NFIB: variants seen among roughly 807,000 people sequenced by gnomAD.
NFIB encodes the protein nuclear factor 1 B-type.
Under a neutral mutation model 61.5 loss-of-function variants are expected in NFIB, and 11 were observed. The ratio of observed to expected loss-of-function variants is 0.18; its 90% CI spans 0.11 to 0.30. The LOEUF (loss-of-function observed/expected upper bound fraction) is 0.30. Ranked by LOEUF, NFIB falls within the 10% of genes least tolerant of loss-of-function variation. The pLI is 1.00. For synonymous variants in NFIB, 260 were observed against 216.5 expected (o/e 1.20, Z -1.76); for missense variants, 471 against 608.9 (o/e 0.77, Z 2.38).
the NFIB span, among the ~76,000 whole-genome samples, chr9:14,405,308 T>C: frequency 6.6e-6 from 1 of 152,206 alleles, no homozygotes; most frequent in East Asian, 1.9e-4. Flanking sequence ...TATTGTATTA[T>C]GTCATTGAGA....
rs551782041 is a variant in NFIB at position 14,344,730 on chromosome 9, G to T, written c.109-37210C>A. On this transcript the variant is annotated intron_variant, in intron 1 of 8. Transcript: ENST00000380934. Reference sequence around the variant, plus strand: ...TCCCCACTGAACCTCCTCCTACAGGGTTGCCAAGACTGCAGGGTAAAGAAA... The same window carrying T: ...TCCCCACTGAACCTCCTCCTACAGGTTTGCCAAGACTGCAGGGTAAAGAAA... Among the ~76,000 whole-genome samples, 7 of 151,954 alleles carry T rather than the reference G, an allele frequency of 4.6e-5. No homozygotes were observed. In the South Asian group the frequency reaches 1.5e-3, roughly 32 times the overall value.
chr9:14,289,141 C>T (rs200186754), intron 2 of NFIB, among the ~76,000 whole-genome samples: 10,222 of 135,674 alleles, frequency 0.075, 563 homozygotes, highest in East Asian at 0.22. Flanking sequence ...TATATATATA[C>T]ATATATATAT....
chr9:14,261,803 C>T (rs1472108580), intron 2 of NFIB, among the ~76,000 whole-genome samples: 1 of 152,230 alleles, frequency 6.6e-6, no homozygotes, highest in East Asian at 1.9e-4. Flanking sequence ...TGACAGGCTT[C>T]AGTGTTTCTT....
intron 2 of NFIB, among the ~76,000 whole-genome samples, chr9:14,220,845 A>ACCCCCCCC (rs1554677585): frequency 1.0e-5 from 1 of 97,186 alleles, no homozygotes; most frequent in African/African-American, 4.7e-5. Flanking sequence ...ATCTCCCTAC[A>ACCCCCCCC]CACACACACA....
intron 7 of NFIB, among the ~76,000 whole-genome samples, chr9:14,122,892 G>A (rs770538301): frequency 2.8e-4 from 43 of 152,096 alleles, no homozygotes; most frequent in Non-Finnish European, 5.1e-4. Flanking sequence ...GTAAAATGTC[G>A]TATTTCAAAC....
chr9:14,115,189 G>T (rs535412751), intron 9 of NFIB, among the ~76,000 whole-genome samples: 1 of 151,900 alleles, frequency 6.6e-6, no homozygotes. Flanking sequence ...AAAAAAAAGA[G>T]CATCTTTCCA....
intron 2 of NFIB, among the ~76,000 whole-genome samples, chr9:14,221,373 G>T (rs939980017): frequency 6.6e-6 from 1 of 152,122 alleles, no homozygotes; most frequent in Non-Finnish European, 1.5e-5. Context: ...AAATAGATTT[G>T]GTTGAATCAC....
the NFIB span, among the ~76,000 whole-genome samples, chr9:14,410,734 A>C: frequency 6.6e-6 from 1 of 152,188 alleles, no homozygotes; most frequent in African/African-American, 2.4e-5. Flanking sequence ...TTTTGACACG[A>C]AACAACTCCC....
rs78547427 is a variant in NFIB at position 14,290,722 on chromosome 9, C to T, written c.562+16267G>A. On this transcript the variant is annotated intron_variant, in intron 2 of 10. Coordinates refer to ENST00000380953, the MANE Select transcript of NFIB (RefSeq NM_001190737.2). The stretch of plus-strand genomic sequence containing the variant: ...CAGTGACCAATCACTAGTGCATATA[C>T]AAAAGAAAGAAAACAAGCCTCAGTA... Among the ~76,000 whole-genome samples the T allele has an allele frequency of 1.4e-3, 212 of 152,058 alleles. 9 individuals carry two copies. The East Asian group carries it at 0.035, about 25-fold the overall frequency.
At chr9:14,322,741 A>AGT (rs1480668308) in intron 1 of NFIB, among the ~76,000 whole-genome samples, 1 of 150,758 alleles carries the variant, frequency 6.6e-6, no homozygotes, top group Non-Finnish European at 1.5e-5. Context: ...AGCGGGCCCG[A>AGT]GTGGGTGTGG....
chr9:14,314,099 G>C lies in NFIB; in HGVS notation c.-588C>G, dbSNP rs1313686354. On this transcript the variant is annotated 5_prime_UTR_variant, in exon 1 of 11. Coordinates refer to ENST00000380953, the MANE Select transcript of NFIB (RefSeq NM_001190737.2). ...GTGATCGCAGGCGAAACTTTGCCGC[G>C]AGCCGACCATGTGTGTGCGCGAGGG... 8 of 1,044,838 alleles carry C rather than the reference G, an allele frequency of 7.7e-6. No homozygotes were observed. The highest frequency in any genetic ancestry group is 1.1e-4 in the Admixed American group (2 of 17,802). The allele number at this position is 1,044,838 out of a possible 1,614,324, so 64.7% of individuals were successfully genotyped here.
At chr9:14,426,443 C>G in the NFIB span, among the ~76,000 whole-genome samples, 1 of 152,180 alleles carries the variant, frequency 6.6e-6, no homozygotes, top group Non-Finnish European at 1.5e-5. Flanking sequence ...AGACTGCAAG[C>G]TCATTGAGAA....
At chr9:14,493,364 A>AT in the NFIB span, among the ~76,000 whole-genome samples, 1,658 of 149,422 alleles carry the variant, frequency 0.011, 27 homozygotes, top group African/African-American at 0.037. Context: ...AGGCAGAAGC[A>AT]TTTTTTTTTT....
chr9:14,086,563 A>G lies in NFIB; in HGVS notation c.*1746T>C, dbSNP rs1165188606. 1 of 214,682 alleles carries G rather than the reference A, an allele frequency of 4.7e-6. No individual in the cohort carries two copies. The highest frequency in any genetic ancestry group is 9.4e-6 in the Non-Finnish European group (1 of 106,008). 13.3% of individuals were successfully genotyped at this position (214,682 alleles called of 1,614,324 possible). ...AAAAAAACACCAAAATACTGAAAATATTGCTGGTCGATTACAATTTTTAAG... is the reference window on the plus strand; with the variant it reads ...AAAAAAACACCAAAATACTGAAAATGTTGCTGGTCGATTACAATTTTTAAG... On this transcript the variant is annotated 3_prime_UTR_variant, in exon 11 of 11. Coordinates refer to ENST00000380953, the MANE Select transcript of NFIB (RefSeq NM_001190737.2).
At chr9:14,196,005 A>G (rs1286838622) in intron 2 of NFIB, among the ~76,000 whole-genome samples, 1 of 152,174 alleles carries the variant, frequency 6.6e-6, no homozygotes, top group African/African-American at 2.4e-5. Context: ...ATATGATCCA[A>G]TCACCTGGTA....
intron 2 of NFIB, among the ~76,000 whole-genome samples, chr9:14,269,614 A>G (rs1398690791): frequency 1.3e-5 from 2 of 152,186 alleles, no homozygotes; most frequent in African/African-American, 4.8e-5. Flanking sequence ...ATATGTCTGA[A>G]CCTAATGTTA....
chr9:14,430,282 C>G, the NFIB span, among the ~76,000 whole-genome samples: 1 of 151,668 alleles, frequency 6.6e-6, no homozygotes, highest in East Asian at 1.9e-4. Flanking sequence ...GCTGCTACAC[C>G]AACACGAGGG....
chr9:14,364,229 A>G (rs1022062808), intron 1 of NFIB, among the ~76,000 whole-genome samples: 1 of 152,172 alleles, frequency 6.6e-6, no homozygotes, highest in Non-Finnish European at 1.5e-5. Flanking sequence ...AAAATCGTGC[A>G]ATTTGGGAAT....
chr9:14,244,300 T>G lies in NFIB; in HGVS notation c.562+62689A>C, dbSNP rs183323265. 2.3e-3 allele frequency among the ~76,000 whole-genome samples: 356 copies of G among 152,238 alleles called. 7 individuals are homozygous for G. Among genetic ancestry groups the G allele is most frequent in the African/African-American group, 7.8e-3 (323 of 41,548 alleles). On this transcript the variant is annotated intron_variant, in intron 2 of 10. Coordinates refer to ENST00000380953, the MANE Select transcript of NFIB (RefSeq NM_001190737.2). ...AGAAATTTGTAGAGGAAATGATAGG[T>G]CAGAATGGTTTTTAAATGACCTTAT...
Sources: gnomAD v4.1 joint callset for allele counts (sites outside exome capture counted in the v4.1 genomes callset) on GRCh38, gnomAD v4.1.1 for gene constraint, MANE v1.5 for transcripts, NCBI Gene and HGNC (gene_info 2026-07-23, HGNC 2026-07-21) for gene names.